The following CBLB variants were observed in gnomAD, a reference collection of about 807,000 sequenced individuals.
CBLB encodes Cbl proto-oncogene B, also known as E3 ubiquitin-protein ligase CBL-B.
Under a neutral mutation model 104.9 loss-of-function variants are expected in CBLB, and 31 were observed. That is an observed-to-expected ratio of 0.30 (90% CI 0.22 to 0.40). The LOEUF (loss-of-function observed/expected upper bound fraction) is 0.40. Among genes scored for constraint, CBLB ranks in the 10% least tolerant of loss-of-function variants. The pLI is 1.00. For missense variants in CBLB, 1,062 were observed against 1,214.6 expected (o/e 0.87, Z 1.87); for synonymous variants, 440 against 422.6 (o/e 1.04, Z -0.51).
intron 3 of CBLB, among the ~76,000 whole-genome samples, chr3:105,829,267 TG>T (rs1270858850): frequency 6.6e-6 from 1 of 152,150 alleles, no homozygotes; most frequent in Non-Finnish European, 1.5e-5. Flanking sequence ...TAAACATTCT[TG>T]AATACACAGG....
chr3:105,866,667 G>C (rs2092444970), intron 2 of CBLB, among the ~76,000 whole-genome samples: 1 of 152,084 alleles, frequency 6.6e-6, no homozygotes, highest in Admixed American at 6.5e-5. Context: ...TCTCTGTAAG[G>C]TATTCAGATT....
intron 2 of CBLB, among the ~76,000 whole-genome samples, chr3:105,865,222 C>T (rs9841500): frequency 0.67 from 101,184 of 152,012 alleles, 34,915 homozygotes; most frequent in Middle Eastern, 0.8. Context: ...TTCTGTACTA[C>T]ACACTTATAT....
chr3:105,760,608 C>G (rs1402301046), intron 4 of CBLB, among the ~76,000 whole-genome samples: 2 of 147,264 alleles, frequency 1.4e-5, no homozygotes, highest in Non-Finnish European at 3.0e-5. Context: ...AATGAGAGCT[C>G]AGAATTACAA....
At chr3:105,782,854 G>A (rs551490359) in intron 3 of CBLB, among the ~76,000 whole-genome samples, 5 of 152,248 alleles carry the variant, frequency 3.3e-5, no homozygotes, top group South Asian at 2.1e-4. Flanking sequence ...TTACAGGCGT[G>A]AGCCAACTGA....
chr3:105,712,731 T>C (rs912455578), intron 10 of CBLB, among the ~76,000 whole-genome samples: 3 of 152,224 alleles, frequency 2.0e-5, no homozygotes, highest in Non-Finnish European at 4.4e-5. Context: ...AGTTTCAAAC[T>C]TGAAGCATGG....
intron 4 of CBLB, among the ~76,000 whole-genome samples, chr3:105,755,677 G>T (rs2077024369): frequency 6.6e-6 from 1 of 152,120 alleles, no homozygotes; most frequent in South Asian, 2.1e-4. Context: ...TGGTGTGAAT[G>T]AGAATTTACA....
chr3:105,685,644 T>A (rs1424247683), intron 13 of CBLB, among the ~76,000 whole-genome samples, 178 bp from the exon 14 acceptor site: 4 of 152,176 alleles, frequency 2.6e-5, no homozygotes, highest in Non-Finnish European at 5.9e-5. Context: ...TTTTCAATCT[T>A]TTGTTAAGAC....
In CBLB at chr3:105,704,126, G is replaced by C; in HGVS notation, c.1455C>G (p.Pro485=). 1 of 1,614,120 alleles carries C rather than the reference G, an allele frequency of 6.2e-7. No homozygotes were observed. Among genetic ancestry groups the C allele is most frequent in the Non-Finnish European group, 8.5e-7 (1 of 1,180,002 alleles). Residue 485 remains proline, a synonymous_variant, in exon 11 of 19, where the codon CCC becomes CCG. Coordinates refer to ENST00000394030, the MANE Select transcript of CBLB (RefSeq NM_170662.5). ...NSPVTSPGSS[P]LAQRRKPQPD... is the part of the protein sequence containing the mutation. ...GCTGTGGCTTTCTTCTCTGGGCAAG[G>C]GGAGAGGATCCTGGTGATGTGACTG...
At chr3:105,808,852 A>G (rs927626062) in intron 3 of CBLB, among the ~76,000 whole-genome samples, 1 of 152,238 alleles carries the variant, frequency 6.6e-6, no homozygotes, top group East Asian at 1.9e-4. Flanking sequence ...TTTAGGAAAA[A>G]TGCAAGAGTA....
intron 3 of CBLB, among the ~76,000 whole-genome samples, chr3:105,828,656 T>C (rs1258195038): frequency 6.6e-6 from 1 of 152,240 alleles, no homozygotes. Context: ...CTAATAAGTT[T>C]AAATAATTTC....
rs62263058 is a variant in CBLB at position 105,674,322 on chromosome 3, C to T, written c.2570-3970G>A. On this transcript the variant is annotated intron_variant, in intron 17 of 18. Coordinates refer to ENST00000394030, the MANE Select transcript of CBLB (RefSeq NM_170662.5). ...AACAAAACCCCTAAAACCTTTTCAA[C>T]AATTGTTGCTAATGATCTGGATTTT... 8.2e-3 allele frequency among the ~76,000 whole-genome samples: 1,256 copies of T among 152,294 alleles called. 12 individuals carry two copies. The highest frequency in any genetic ancestry group is 0.018 in the South Asian group (87 of 4,830).
At chr3:105,835,958 AAAG>A (rs140894298) in intron 3 of CBLB, among the ~76,000 whole-genome samples, 2 of 152,358 alleles carry the variant, frequency 1.3e-5, no homozygotes, top group East Asian at 3.9e-4. Flanking sequence ...GGAAGTAAAT[AAAG>A]AATAGTTACA....
chr3:105,866,294 T>C (rs906770336), intron 2 of CBLB, among the ~76,000 whole-genome samples: 3 of 152,238 alleles, frequency 2.0e-5, no homozygotes, highest in Non-Finnish European at 4.4e-5. Flanking sequence ...TTGCTACTAC[T>C]ACTGATAGTG....
At chr3:105,786,192 A>C (rs1009055279) in intron 3 of CBLB, among the ~76,000 whole-genome samples, 1 of 152,146 alleles carries the variant, frequency 6.6e-6, no homozygotes, top group Non-Finnish European at 1.5e-5. Flanking sequence ...ATGTGTTGTA[A>C]ATAGGAAAAC....
At chr3:105,743,131 A>G (rs2075772781) in intron 6 of CBLB, among the ~76,000 whole-genome samples, 1 of 152,104 alleles carries the variant, frequency 6.6e-6, no homozygotes, top group Non-Finnish European at 1.5e-5. Flanking sequence ...GCTTATTTTT[A>G]GCACCTTGCT....
At position 105,677,397 on chromosome 3, in the gene CBLB, A is replaced by G. The variant is rs532483859; in HGVS notation, c.2569+1034T>C. On this transcript the variant is annotated intron_variant, in intron 17 of 18. Coordinates refer to ENST00000394030, the MANE Select transcript of CBLB (RefSeq NM_170662.5). ...AGAAAAACTAATGGTAGACATGACT[A>G]ATAATCAACTGAGGAAGCTGATAAG... Among the ~76,000 whole-genome samples, 8 of 152,106 alleles carry G rather than the reference A, an allele frequency of 5.3e-5. No homozygotes were observed. The South Asian group carries it at 1.2e-3, about 24-fold the overall frequency.
At chr3:105,759,602 ATGTCAGCG>A (rs1344769621) in intron 4 of CBLB, among the ~76,000 whole-genome samples, 1 of 152,174 alleles carries the variant, frequency 6.6e-6, no homozygotes, top group African/African-American at 2.4e-5. Flanking sequence ...GGGGGCTGGC[ATGTCAGCG>A]CCACCCTGAG....
chr3:105,698,218 C>T (rs1479360272), intron 12 of CBLB, among the ~76,000 whole-genome samples: 1 of 152,028 alleles, frequency 6.6e-6, no homozygotes, highest in Non-Finnish European at 1.5e-5. Context: ...ACTTCTTAGA[C>T]TTCACTTTAA....
chr3:105,812,010 C>CT (rs369494317), intron 3 of CBLB, among the ~76,000 whole-genome samples: 1,604 of 151,324 alleles, frequency 0.011, 23 homozygotes, highest in African/African-American at 0.036. Flanking sequence ...GCCCCATTTC[C>CT]TTTTTTTTTG....
Sources: gnomAD v4.1 joint callset for allele counts (sites outside exome capture counted in the v4.1 genomes callset) on GRCh38, gnomAD v4.1.1 for gene constraint, MANE v1.5 for transcripts, NCBI Gene and HGNC (gene_info 2026-07-23, HGNC 2026-07-21) for gene names.